The following RBMS3 variants were observed in gnomAD, a reference collection of about 807,000 sequenced individuals.
The protein encoded by RBMS3 is RNA binding motif single stranded interacting protein 3.
A neutral mutation model predicts 66.8 loss-of-function variants in RBMS3; 27 were observed. That is an observed-to-expected ratio of 0.40 (90% CI 0.30 to 0.56). RBMS3 has a LOEUF of 0.56. Ranked by LOEUF, RBMS3 falls within the 20% of genes least tolerant of loss-of-function variation. RBMS3 has a pLI of 0.40. For missense variants in RBMS3, 513 were observed against 549.5 expected, an observed-to-expected ratio of 0.93 and a Z score of 0.66; for synonymous variants, 188 against 183.0, an observed-to-expected ratio of 1.03 and a Z score of -0.22.
intron 3 of RBMS3, among the ~76,000 whole-genome samples, chr3:29,542,948 A>C (rs2045819571): frequency 6.6e-6 from 1 of 152,224 alleles, no homozygotes; most frequent in Admixed American, 6.5e-5. Flanking sequence ...GAAGCAATGC[A>C]AATATTTTTA....
At chr3:29,665,809 T>C (rs1052991096) in intron 4 of RBMS3, among the ~76,000 whole-genome samples, 3 of 152,244 alleles carry the variant, frequency 2.0e-5, no homozygotes, top group African/African-American at 7.2e-5. Flanking sequence ...GTAGGGATTC[T>C]ATATGAAACT....
chr3:29,964,211 G>A (rs1021201167), intron 12 of RBMS3, among the ~76,000 whole-genome samples: 10 of 152,186 alleles, frequency 6.6e-5, no homozygotes, highest in Admixed American at 3.3e-4. Flanking sequence ...ATTATGTGAA[G>A]TATCTAATAG....
At chr3:29,400,650 G>A (rs34586649) in intron 1 of RBMS3, among the ~76,000 whole-genome samples, 26,191 of 151,906 alleles carry the variant, frequency 0.17, 2,770 homozygotes, top group Non-Finnish European at 0.24. Context: ...TTGGGAAAAG[G>A]ACCTACTTAT....
rs116290717 is a variant in RBMS3, at chr3:29,985,554, A to G, written c.1099-2589A>G. 4.7e-3 allele frequency among the ~76,000 whole-genome samples: 715 copies of G among 152,254 alleles called. 3 individuals carry two copies. The highest frequency in any genetic ancestry group is 0.016 in the African/African-American group (682 of 41,562). On this transcript the variant is annotated intron_variant, in intron 12 of 14. Transcript: ENST00000383767. ...AGGCATAGTATCTGGGCCAGAATGC[A>G]TGTTCCTTACCGCACAGTCCCTCAC...
At position 29,295,330 on chromosome 3, in the gene RBMS3, CACACATATATATAT is replaced by C. The variant is rs1360851425; in HGVS notation, c.75+13578_75+13591del. ...CTATATATATACATATATATATACA[CACACATATATATAT>C]ACATATATATATACACACACATATA... is the stretch of plus-strand genomic sequence containing the variant. On this transcript the variant is annotated intron_variant, in intron 1 of 14. Coordinates refer to ENST00000383767, the MANE Select transcript of RBMS3 (RefSeq NM_001003793.3). Among the ~76,000 whole-genome samples, 30 of 140,096 alleles carry C rather than the reference CACACATATATATAT, an allele frequency of 2.1e-4. 1 individual carries two copies. The South Asian group carries it at 4.0e-3, about 19-fold the overall frequency. The allele number at this position is 140,096 out of a possible 152,430, so 91.9% of individuals were successfully genotyped here. A position where few individuals can be genotyped will look rare whatever the true frequency, so the allele number is the denominator to read the frequency against.
At chr3:29,708,860 A>G (rs73829307) in intron 4 of RBMS3, among the ~76,000 whole-genome samples, 12,015 of 152,262 alleles carry the variant, frequency 0.079, 1,591 homozygotes, top group African/African-American at 0.27. Context: ...GCTACTGGGA[A>G]GGCTATTGAC....
At chr3:29,455,610 C>G (rs1348773733) in intron 2 of RBMS3, among the ~76,000 whole-genome samples, 1 of 152,070 alleles carries the variant, frequency 6.6e-6, no homozygotes, top group Non-Finnish European at 1.5e-5. Context: ...ATTTGTCAAT[C>G]AAATCAAAAT....
chr3:29,337,116 A>AT (rs1395131366), intron 1 of RBMS3, among the ~76,000 whole-genome samples: 3 of 152,026 alleles, frequency 2.0e-5, no homozygotes, highest in Non-Finnish European at 4.4e-5. Flanking sequence ...CCCTTTTGTT[A>AT]TTTTTTAAAG....
chr3:29,372,381 G>C (rs1338810396), intron 1 of RBMS3, among the ~76,000 whole-genome samples: 1 of 151,924 alleles, frequency 6.6e-6, no homozygotes, highest in South Asian at 2.1e-4. Context: ...ATTTAAAAAA[G>C]AACTTTAATA....
intron 10 of RBMS3, among the ~76,000 whole-genome samples, chr3:29,907,990 G>A (rs1202105867): frequency 6.6e-6 from 1 of 152,022 alleles, no homozygotes; most frequent in East Asian, 1.9e-4. Flanking sequence ...ACTCAAGCCT[G>A]TAACCCCAGC....
At chr3:29,966,517 A>C (rs1696859978) in intron 12 of RBMS3, among the ~76,000 whole-genome samples, 1 of 152,144 alleles carries the variant, frequency 6.6e-6, no homozygotes, top group South Asian at 2.1e-4. Flanking sequence ...GGTGTATAGA[A>C]GAGCTACTGA....
chr3:29,808,394 T>C (rs959849930), intron 6 of RBMS3, among the ~76,000 whole-genome samples: 27 of 152,002 alleles, frequency 1.8e-4, no homozygotes, highest in African/African-American at 6.0e-4. Context: ...AACCACACAA[T>C]GGAATGTGCT....
chr3:29,488,384 T>C, intron 2 of RBMS3, 57 bp from the exon 3 acceptor site: 1 of 1,457,508 alleles, frequency 6.9e-7, no homozygotes, highest in Non-Finnish European at 9.6e-7. Flanking sequence ...TTAGAGTGTT[T>C]TAAGTGTCTT....
chr3:29,350,841 A>G (rs2036866987), intron 1 of RBMS3, among the ~76,000 whole-genome samples: 1 of 152,154 alleles, frequency 6.6e-6, no homozygotes, highest in South Asian at 2.1e-4. Flanking sequence ...AAAAGGTAAA[A>G]GAAAAACAAA....
chr3:29,527,217 A>T (rs1455892757), intron 3 of RBMS3, among the ~76,000 whole-genome samples: 2 of 147,436 alleles, frequency 1.4e-5, no homozygotes, highest in African/African-American at 2.5e-5. Flanking sequence ...AAAAGATGGA[A>T]AGTAGCCACT....
chr3:29,648,994 T>C (rs2050046284), intron 4 of RBMS3, among the ~76,000 whole-genome samples: 1 of 152,182 alleles, frequency 6.6e-6, no homozygotes, highest in African/African-American at 2.4e-5. Flanking sequence ...AAGGCGCCCT[T>C]AAGCCTTTTG....
chr3:29,409,715 G>T (rs1366505778), intron 1 of RBMS3, among the ~76,000 whole-genome samples: 1 of 152,212 alleles, frequency 6.6e-6, no homozygotes, highest in Non-Finnish European at 1.5e-5. Flanking sequence ...CAGAGCTAAT[G>T]TGAGAGTATA....
intron 1 of RBMS3, among the ~76,000 whole-genome samples, chr3:29,321,004 G>C (rs74428870): frequency 6.6e-6 from 1 of 151,706 alleles, no homozygotes; most frequent in Non-Finnish European, 1.5e-5. Flanking sequence ...AGCGAGTTTT[G>C]AGGAATACAT....
chr3:29,458,296 G>A (rs755776579), intron 2 of RBMS3, among the ~76,000 whole-genome samples: 4 of 152,162 alleles, frequency 2.6e-5, no homozygotes, highest in Non-Finnish European at 5.9e-5. Flanking sequence ...TATATAGCCA[G>A]AGATGCACAG....
Sources: allele counts gnomAD v4.1 joint callset (sites outside exome capture counted in the v4.1 genomes callset), GRCh38; gene constraint gnomAD v4.1.1; transcripts MANE v1.5; gene names NCBI Gene and HGNC (gene_info 2026-07-23, HGNC 2026-07-21).